TMEM63C: variants seen among roughly 807,000 people sequenced by gnomAD.
TMEM63C encodes transmembrane protein 63C.
In TMEM63C, 32 loss-of-function variants were observed where a neutral mutation model predicts 99.2. That is an observed-to-expected ratio of 0.32 (90% CI 0.24 to 0.43). The LOEUF (loss-of-function observed/expected upper bound fraction) is 0.43. Among genes scored for constraint, TMEM63C ranks in the 20% least tolerant of loss-of-function variants. TMEM63C has a pLI of 1.00. For missense variants in TMEM63C, 826 were observed against 1,053.0 expected (o/e 0.78, Z 2.98); for synonymous variants, 376 against 397.9 (o/e 0.94, Z 0.66).
intron 2 of TMEM63C, among the ~76,000 whole-genome samples, chr14:77,217,547 G>A (rs1387347972): frequency 1.3e-5 from 2 of 152,230 alleles, no homozygotes; most frequent in African/African-American, 2.4e-5. Flanking sequence ...TTCTCGAATG[G>A]AAGTGAAGGG....
chr14:77,232,157 A>G (rs1888953827), intron 7 of TMEM63C, among the ~76,000 whole-genome samples: 1 of 152,212 alleles, frequency 6.6e-6, no homozygotes, highest in Admixed American at 6.5e-5. Context: ...CTTTGGAGGG[A>G]ACAGCATTGT....
At chr14:77,194,852 G>T (rs1888189906) in intron 1 of TMEM63C, among the ~76,000 whole-genome samples, 1 of 151,966 alleles carries the variant, frequency 6.6e-6, no homozygotes, top group African/African-American at 2.4e-5. Flanking sequence ...AAAGTGCTAG[G>T]ATTACAGGTG....
chr14:77,208,589 G>A (rs562252217), intron 1 of TMEM63C, among the ~76,000 whole-genome samples: 1 of 152,342 alleles, frequency 6.6e-6, no homozygotes, highest in Admixed American at 6.5e-5. Context: ...CCAGCTGCAA[G>A]GGAGTGTTGG....
chr14:77,229,283 G>C (rs1216896978), intron 6 of TMEM63C, among the ~76,000 whole-genome samples: 1 of 151,932 alleles, frequency 6.6e-6, no homozygotes, highest in Admixed American at 6.6e-5. Flanking sequence ...TGTAATCCCA[G>C]CTATTTGGGA....
chr14:77,220,092 G>A lies in TMEM63C; in HGVS notation c.312+5G>A, dbSNP rs1400804529. On this transcript the variant is annotated splice_donor_5th_base_variant and intron_variant, in intron 5 of 23. Coordinates refer to ENST00000298351, the MANE Select transcript of TMEM63C (RefSeq NM_020431.4). Reference sequence around the variant, plus strand: ...GAGATGGAACGCAGAGACAAGGTGAGTGCTGGGAGCGGTCTGGGCGGTGGG... The same window carrying A: ...GAGATGGAACGCAGAGACAAGGTGAATGCTGGGAGCGGTCTGGGCGGTGGG... 4 of 1,555,716 alleles carry A rather than the reference G, an allele frequency of 2.6e-6. No individual in the cohort carries two copies. Among genetic ancestry groups the A allele is most frequent in the South Asian group, 2.4e-5 (2 of 84,186 alleles).
intron 21 of TMEM63C, 54 bp from the exon 22 acceptor site, chr14:77,251,735 G>C: frequency 6.9e-7 from 1 of 1,444,396 alleles, no homozygotes; most frequent in Non-Finnish European, 9.7e-7. Context: ...TGCCAGTTGG[G>C]GTGGCATCTC....
intron 23 of TMEM63C, among the ~76,000 whole-genome samples, chr14:77,253,904 G>A (rs1013176126): frequency 6.6e-5 from 10 of 152,234 alleles, no homozygotes; most frequent in South Asian, 6.2e-4. Context: ...ACAGTGGCTC[G>A]GCCTGAAGGG....
intron 17 of TMEM63C, 105 bp downstream of exon 17, chr14:77,246,131 T>A (rs984367223): frequency 1.1e-6 from 1 of 911,656 alleles, no homozygotes; most frequent in East Asian, 2.4e-5. Context: ...GCAAACCCAC[T>A]CCTCAAAGAC....
chr14:77,185,755 G>C (rs1887983884), intron 1 of TMEM63C, among the ~76,000 whole-genome samples: 1 of 152,208 alleles, frequency 6.6e-6, no homozygotes, highest in African/African-American at 2.4e-5. Flanking sequence ...TGGACACGCT[G>C]CCTGGGGGAG....
chr14:77,248,598 G>T, intron 19 of TMEM63C, 89 bp downstream of exon 19: 1 of 1,528,258 alleles, frequency 6.5e-7, no homozygotes, highest in Non-Finnish European at 8.9e-7. Flanking sequence ...CAAGGGGGTT[G>T]AGGTGGGAGG....
chr14:77,217,780 C>G (rs2110909), intron 2 of TMEM63C, among the ~76,000 whole-genome samples: 126,528 of 152,192 alleles, frequency 0.83, 52,846 homozygotes, highest in South Asian at 0.91. Flanking sequence ...CTGGGCAGGT[C>G]CTGGTCTCCC....
rs377746290 is a variant in TMEM63C at position 77,187,202 on chromosome 14, G to T, written c.-77+5308G>T. ...GGGGCCATGGCCAGTCTGTGTCCAGGGGAGCCATCTGTGTGCCGTCCTCCC... is the reference window on the plus strand; with the variant it reads ...GGGGCCATGGCCAGTCTGTGTCCAGTGGAGCCATCTGTGTGCCGTCCTCCC... On this transcript the variant is annotated intron_variant, in intron 1 of 23. Transcript: ENST00000298351. Among the ~76,000 whole-genome samples, 6 of 152,338 alleles carry T rather than the reference G, an allele frequency of 3.9e-5. No homozygotes were observed. In the East Asian group the frequency reaches 1.2e-3, roughly 29 times the overall value.
At chr14:77,237,150 A>C (rs2140123161) in intron 9 of TMEM63C, among the ~76,000 whole-genome samples, 1 of 151,750 alleles carries the variant, frequency 6.6e-6, no homozygotes. Flanking sequence ...GCCCCTCCCC[A>C]GGGACTCTTG....
rs375940989 is a variant in TMEM63C at position 77,256,902 on chromosome 14, G to A, written c.*176G>A. On this transcript the variant is annotated 3_prime_UTR_variant, in exon 24 of 24. Coordinates refer to ENST00000298351, the MANE Select transcript of TMEM63C (RefSeq NM_020431.4). ...ATACGGGGGTCCTGACCTGCTGCCC[G>A]GCTGGAACTGGGGGTGCTCGGCAGT... 62 of 631,492 alleles carry A rather than the reference G, an allele frequency of 9.8e-5. No homozygotes were observed. The highest frequency in any genetic ancestry group is 6.0e-4 in the South Asian group (30 of 50,010). The allele number at this position is 631,492 out of a possible 1,614,324, so 39.1% of individuals were successfully genotyped here. A position where few individuals can be genotyped will look rare whatever the true frequency, so the allele number is the denominator to read the frequency against.
chr14:77,192,770 A>G (rs978452679), intron 1 of TMEM63C, among the ~76,000 whole-genome samples: 1 of 152,048 alleles, frequency 6.6e-6, no homozygotes, highest in African/African-American at 2.4e-5. Context: ...GCTTCAAGAA[A>G]GAATAAGACA....
intron 6 of TMEM63C, among the ~76,000 whole-genome samples, chr14:77,226,560 G>C (rs1888831300): frequency 6.6e-6 from 1 of 152,188 alleles, no homozygotes; most frequent in South Asian, 2.1e-4. Context: ...ATAGTTTTGA[G>C]CTGGGCATTG....
chr14:77,231,468 A>T (rs1594862312), intron 6 of TMEM63C, 120 bp from the exon 7 acceptor site: 1 of 80,954 alleles, frequency 1.2e-5, no homozygotes, highest in East Asian at 2.0e-3. Context: ...TAGAGATAGT[A>T]AAAAAAAAAA....
At chr14:77,195,680 G>A (rs952129708) in intron 1 of TMEM63C, among the ~76,000 whole-genome samples, 1 of 152,194 alleles carries the variant, frequency 6.6e-6, no homozygotes, top group Non-Finnish European at 1.5e-5. Context: ...CACCCCCACA[G>A]CAGCAAGGGA....
At chr14:77,247,208 CT>C (rs11296024) in intron 18 of TMEM63C, among the ~76,000 whole-genome samples, 25,633 of 149,322 alleles carry the variant, frequency 0.17, 2,578 homozygotes, top group African/African-American at 0.29. Context: ...CAAGATATTG[CT>C]TTTTTTTTTG....
Sources: allele counts gnomAD v4.1 joint callset (sites outside exome capture counted in the v4.1 genomes callset), GRCh38; gene constraint gnomAD v4.1.1; transcripts MANE v1.5; gene names NCBI Gene and HGNC (gene_info 2026-07-23, HGNC 2026-07-21).